SLC15A5: variants seen among roughly 807,000 people sequenced by gnomAD.
The protein encoded by SLC15A5 is Peptide/histidine transporter ENSP00000340402.
In SLC15A5, 58 loss-of-function variants were observed where a neutral mutation model predicts 56.1. That is an observed-to-expected ratio of 1.03 (90% CI 0.84 to 1.29). The LOEUF (loss-of-function observed/expected upper bound fraction) is 1.29. SLC15A5 is among the 50% of genes most tolerant of loss of function. The pLI is 0.00. For missense variants in SLC15A5, 681 were observed against 672.1 expected, an observed-to-expected ratio of 1.01 and a Z score of -0.15; for synonymous variants, 264 against 250.5, an observed-to-expected ratio of 1.05 and a Z score of -0.51.
chr12:16,244,479 A>T, intron 4 of SLC15A5, 101 bp downstream of exon 4: 1 of 1,062,416 alleles, frequency 9.4e-7, no homozygotes, highest in Non-Finnish European at 1.4e-6. Context: ...CTGCCGACAT[A>T]TATGGAAAGC....
At chr12:16,212,525 A>AAT (rs1864093631) in intron 7 of SLC15A5, among the ~76,000 whole-genome samples, 1 of 2,258 alleles carries the variant, frequency 4.4e-4, no homozygotes, top group Non-Finnish European at 4.5e-3. Context: ...TTTCCAGAAA[A>AAT]ACGTGAAAAG....
At chr12:16,227,164 C>A (rs988880737) in intron 5 of SLC15A5, among the ~76,000 whole-genome samples, 1 of 152,036 alleles carries the variant, frequency 6.6e-6, no homozygotes, top group Non-Finnish European at 1.5e-5. Flanking sequence ...TAATTTATTA[C>A]TATTTTAAAT....
At position 16,189,654 on chromosome 12, in the gene SLC15A5, A is replaced by G. The variant is rs1407224109; in HGVS notation, c.*14T>C. On this transcript the variant is annotated 3_prime_UTR_variant, in exon 9 of 9. Transcript: ENST00000344941. Reference sequence around the variant, plus strand: ...AATACTGTTCTCATAAGACAGGTAGACTCAAACACAGTTTCATAGGGCTGT... The same window carrying G: ...AATACTGTTCTCATAAGACAGGTAGGCTCAAACACAGTTTCATAGGGCTGT... The G allele has an allele frequency of 2.0e-6, 3 of 1,471,824 alleles. No homozygotes were observed. Among genetic ancestry groups the G allele is most frequent in the Non-Finnish European group, 2.7e-6 (3 of 1,116,220 alleles). 91.2% of individuals were successfully genotyped at this position (1,471,824 alleles called of 1,614,324 possible).
intron 2 of SLC15A5, among the ~76,000 whole-genome samples, chr12:16,268,593 A>G (rs1288566666): frequency 1.3e-5 from 2 of 152,108 alleles, no homozygotes; most frequent in East Asian, 1.9e-4. Context: ...GTAGATTTAT[A>G]TTTTTTTCTC....
intron 3 of SLC15A5, among the ~76,000 whole-genome samples, chr12:16,253,524 TACACAC>T (rs1864539687): frequency 1.3e-5 from 2 of 152,070 alleles, no homozygotes; most frequent in South Asian, 4.1e-4. Context: ...AGATGGCCAA[TACACAC>T]ATGAAAAGAT....
At chr12:16,240,643 A>G (rs974990123) in intron 4 of SLC15A5, among the ~76,000 whole-genome samples, 3 of 152,130 alleles carry the variant, frequency 2.0e-5, no homozygotes, top group African/African-American at 4.8e-5. Flanking sequence ...AATAACCCCA[A>G]TGCTAACTAA....
chr12:16,206,559 T>C (rs955477877), intron 7 of SLC15A5, among the ~76,000 whole-genome samples: 7 of 152,194 alleles, frequency 4.6e-5, no homozygotes, highest in Admixed American at 4.6e-4. Flanking sequence ...AAATTTTTAT[T>C]ACCCTCAATT....
chr12:16,207,383 T>C (rs924841595), intron 7 of SLC15A5, among the ~76,000 whole-genome samples: 2 of 152,234 alleles, frequency 1.3e-5, no homozygotes, highest in Non-Finnish European at 2.9e-5. Flanking sequence ...TATAATGATT[T>C]CATAATTTTA....
chr12:16,244,468 C>T (rs1864442089), intron 4 of SLC15A5, 112 bp downstream of exon 4: 1 of 946,474 alleles, frequency 1.1e-6, no homozygotes, highest in Non-Finnish European at 1.6e-6. Context: ...GGGATAACTG[C>T]CTGCCGACAT....
rs141940840 is a variant in SLC15A5 at position 16,219,670 on chromosome 12, C to T, written c.1352-2646G>A. ...AAACCTCCAGTTCCCTTTTATAGGA[C>T]TTAGCTTTTCAAGTCCTCGAATCTT... On this transcript the variant is annotated intron_variant, in intron 6 of 8. Transcript: ENST00000344941. Among the ~76,000 whole-genome samples the T allele has an allele frequency of 2.0e-5, 3 of 152,206 alleles. No homozygotes were observed. In the East Asian group the frequency reaches 5.8e-4, roughly 29 times the overall value.
At chr12:16,270,353 G>A (rs3847924) in intron 2 of SLC15A5, among the ~76,000 whole-genome samples, 74,942 of 151,946 alleles carry the variant, frequency 0.49, 18,784 homozygotes, top group Non-Finnish European at 0.54. Context: ...ACAGATTCAA[G>A]GGGTATGTTG....
In SLC15A5 at chr12:16,247,444, C is replaced by T. The variant is rs555506338; in HGVS notation, c.755-2644G>A. Among the ~76,000 whole-genome samples the T allele has an allele frequency of 3.0e-4, 45 of 152,164 alleles. No individual in the cohort carries two copies. The South Asian group carries it at 4.2e-3, about 14-fold the overall frequency. On this transcript the variant is annotated intron_variant, in intron 3 of 8. Coordinates refer to ENST00000344941, the MANE Select transcript of SLC15A5 (RefSeq NM_001170798.1). ...TGGGCCCTGAAAATATAGCAGTGAACGGTACCTACAAACTCCTGATTCTTC... is the reference window on the plus strand; with the variant it reads ...TGGGCCCTGAAAATATAGCAGTGAATGGTACCTACAAACTCCTGATTCTTC...
At chr12:16,218,268 A>G (rs1282233897) in intron 6 of SLC15A5, among the ~76,000 whole-genome samples, 1 of 152,200 alleles carries the variant, frequency 6.6e-6, no homozygotes, top group African/African-American at 2.4e-5. Context: ...TAACAGTCTT[A>G]GCTTTGAGTG....
chr12:16,204,458 A>G (rs1216972269), intron 7 of SLC15A5, among the ~76,000 whole-genome samples: 1 of 151,510 alleles, frequency 6.6e-6, no homozygotes, highest in Non-Finnish European at 1.5e-5. Flanking sequence ...ATTGGAGAAA[A>G]AATAATAAAA....
intron 2 of SLC15A5, among the ~76,000 whole-genome samples, chr12:16,258,882 A>G (rs1012505670): frequency 7.9e-5 from 12 of 151,644 alleles, no homozygotes; most frequent in East Asian, 1.9e-4. Flanking sequence ...CCCATATTCT[A>G]TTGGTTAGAA....
intron 5 of SLC15A5, among the ~76,000 whole-genome samples, chr12:16,229,245 A>T (rs1314649749): frequency 6.6e-6 from 1 of 152,204 alleles, no homozygotes; most frequent in Non-Finnish European, 1.5e-5. Flanking sequence ...GGCCTGTGTG[A>T]TCTTGCCTAT....
At chr12:16,227,476 A>G (rs956207061) in intron 5 of SLC15A5, among the ~76,000 whole-genome samples, 1 of 152,154 alleles carries the variant, frequency 6.6e-6, no homozygotes, top group Non-Finnish European at 1.5e-5. Context: ...GTATCAGGAG[A>G]AGAACTTATT....
At chr12:16,199,956 A>G (rs1863936338) in intron 7 of SLC15A5, among the ~76,000 whole-genome samples, 1 of 152,002 alleles carries the variant, frequency 6.6e-6, no homozygotes, top group African/African-American at 2.4e-5. Flanking sequence ...TAAAGTTCTC[A>G]TTGTAGCCTA....
chr12:16,228,273 T>C (rs1626718), intron 5 of SLC15A5, among the ~76,000 whole-genome samples: 27,542 of 152,024 alleles, frequency 0.18, 2,526 homozygotes, highest in East Asian at 0.27. Flanking sequence ...TGAAAGAGGA[T>C]TGGGGAGGGA....
Sources: gnomAD v4.1 joint callset for allele counts (sites outside exome capture counted in the v4.1 genomes callset) on GRCh38, gnomAD v4.1.1 for gene constraint, MANE v1.5 for transcripts, NCBI Gene and HGNC (gene_info 2026-07-23, HGNC 2026-07-21) for gene names.